The following SERPINA9 variants were observed in gnomAD, a reference collection of about 807,000 sequenced individuals.
The protein encoded by SERPINA9 is serpin family A member 9.
A neutral mutation model predicts 24.5 loss-of-function variants in SERPINA9; 32 were observed. That is an observed-to-expected ratio of 1.30 (90% CI 0.98 to 1.75). The LOEUF (loss-of-function observed/expected upper bound fraction) is 1.75, where lower values mean the gene tolerates loss of function less well. Among genes scored for constraint, SERPINA9 ranks in the 40% most tolerant of loss-of-function variants. SERPINA9 has a pLI of 0.00. For synonymous variants in SERPINA9, 233 were observed against 197.7 expected (o/e 1.18, Z -1.50); for missense variants, 594 against 497.1 (o/e 1.19, Z -1.85).
In SERPINA9 at chr14:94,467,148, G is replaced by T; in HGVS notation, c.863C>A (p.Ala288Asp). 1 of 1,614,126 alleles carries T rather than the reference G, an allele frequency of 6.2e-7. No individual in the cohort carries two copies. The highest frequency in any genetic ancestry group is 8.5e-7 in the Non-Finnish European group (1 of 1,180,018). ...GTGGCTCCACTTTCTCAGTGTTCTG[G>T]CTGACAAGGCCTGTTCCAGTTGCCT... ...KMRQLEQALS[A>D]RTLRKWSHSL... Residue 288 changes from alanine (A) to aspartate (D), a missense_variant, in exon 3 of 5, where the codon GCC becomes GAC. Transcript: ENST00000674397.
Position 94,464,792 on chromosome 14 carries a change from AG to A in SERPINA9, c.964del (p.Leu322SerfsTer54). 6.2e-7 allele frequency: 1 copy of A among 1,613,452 alleles called. No homozygotes were observed. ...GACATTTTGGATGCCCATCTTCGGG[AG>A]GATGGTTTCCAGATTGTAGGAGGCA... ...ISASYNLETI[L>X]PKMGIQNVFD... is the part of the protein sequence containing the mutation. On this transcript the variant is annotated frameshift_variant, in exon 4 of 5. Transcript: ENST00000674397. LOFTEE classifies it high-confidence loss of function.
At chr14:94,474,095 A>T (rs1899457875) in intron 1 of SERPINA9, among the ~76,000 whole-genome samples, 1 of 152,218 alleles carries the variant, frequency 6.6e-6, no homozygotes, top group Non-Finnish European at 1.5e-5. Flanking sequence ...AGAGGAGACC[A>T]GGTTGAAGGA....
Position 94,467,277 on chromosome 14 carries a change from T to G in SERPINA9, c.734A>C (p.Gln245Pro), listed in dbSNP as rs774392469. 6.2e-7 allele frequency: 1 copy of G among 1,614,050 alleles called. No homozygotes were observed. The highest frequency in any genetic ancestry group is 8.5e-7 in the Non-Finnish European group (1 of 1,179,990). Residue 245 changes from glutamine (Q) to proline (P), a missense_variant, in exon 3 of 5, where the codon CAG (glutamine) becomes CCG (proline). Coordinates refer to ENST00000674397, the MANE Select transcript of SERPINA9 (RefSeq NM_175739.4). Reference protein sequence around the residue: ...VHVPMMHQKEQFAFGVDTELN... With the variant: ...VHVPMMHQKEPFAFGVDTELN... Reference sequence around the variant, plus strand: ...CTCTGTATCCACCCCAAAAGCGAACTGCTCTTTCTGGTGCATCATGGGGAC... The same window carrying G: ...CTCTGTATCCACCCCAAAAGCGAACGGCTCTTTCTGGTGCATCATGGGGAC...
At chr14:94,464,919 G>T in intron 3 of SERPINA9, 65 bp from the exon 4 acceptor site, 1 of 1,416,928 alleles carries the variant, frequency 7.1e-7, no homozygotes, top group Non-Finnish European at 9.6e-7. Flanking sequence ...TCTGCTCCTA[G>T]ATGCCATTTT....
At chr14:94,472,586 C>G (rs1899373584) in intron 1 of SERPINA9, among the ~76,000 whole-genome samples, 1 of 151,740 alleles carries the variant, frequency 6.6e-6, no homozygotes, top group African/African-American at 2.4e-5. Flanking sequence ...TATGCAGGTA[C>G]TATAGGAGGT....
rs1457730804 is a variant in SERPINA9 at position 94,469,251 on chromosome 14, A to G, written c.590T>C (p.Leu197Pro). Reference sequence around the variant, plus strand: ...GTGGTTCACCAGAACCATGGCCGTCAGAAGGTCAAGGCCTTGGATTATGTC... The same window carrying G: ...GTGGTTCACCAGAACCATGGCCGTCGGAAGGTCAAGGCCTTGGATTATGTC... ...VVDIIQGLDLLTAMVLVNHIF... is the reference protein window; with the variant it reads ...VVDIIQGLDLPTAMVLVNHIF... Residue 197 changes from leucine (L) to proline (P), a missense_variant, in exon 2 of 5, where the codon CTG (leucine) becomes CCG (proline). Coordinates refer to ENST00000674397, the MANE Select transcript of SERPINA9 (RefSeq NM_175739.4). The G allele has an allele frequency of 6.2e-7, 1 of 1,614,030 alleles. No individual in the cohort carries two copies. Among genetic ancestry groups the G allele is most frequent in the East Asian group, 2.2e-5 (1 of 44,886 alleles).
At position 94,469,525 on chromosome 14, in the gene SERPINA9, G is replaced by T; in HGVS notation, c.316C>A (p.Pro106Thr). The T allele has an allele frequency of 1.2e-6, 2 of 1,613,982 alleles. No homozygotes were observed. Among genetic ancestry groups the T allele is most frequent in the Non-Finnish European group, 1.7e-6 (2 of 1,179,914 alleles). The change falls in exon 2 of 5, where the codon CCA becomes ACA. Residue 106 changes from proline to threonine, a missense_variant. Transcript: ENST00000674397. The part of the protein sequence containing the change: ...QGLGFNLTHT[P>T]ESAIHQGFQH... ...AAGCCCTGGTGGATGGCAGACTCTG[G>T]TGTGTGTGTGAGGTTGAAGCCCAGG...
At chr14:94,473,982 G>A (rs369630902) in intron 1 of SERPINA9, among the ~76,000 whole-genome samples, 1 of 152,388 alleles carries the variant, frequency 6.6e-6, no homozygotes, top group East Asian at 1.9e-4. Context: ...TGGTGGGCAG[G>A]AGACCAAAGC....
rs200371954 is a variant in SERPINA9 at position 94,469,649 on chromosome 14, C to T, written c.192G>A (p.Pro64=). The T allele has an allele frequency of 1.3e-4, 214 of 1,613,960 alleles. No individual in the cohort carries two copies. The African/African-American group carries it at 2.1e-3, about 16-fold the overall frequency. Residue 64 remains proline (P), a synonymous_variant, in exon 2 of 5, where the codon CCG becomes CCA. Transcript: ENST00000674397. ...CAGGGGAGAAGAAGATGTTCTGACT[C>T]GGGGTCTCCAAAACCAGCCTGCGGT... ...RLYRRLVLET[P]SQNIFFSPVS...
At chr14:94,465,119 G>C (rs923993319) in intron 3 of SERPINA9, among the ~76,000 whole-genome samples, 2 of 152,180 alleles carry the variant, frequency 1.3e-5, no homozygotes, top group Non-Finnish European at 1.5e-5. Context: ...CAGCAAGGGA[G>C]TCTATGGCAG....
At position 94,462,984 on chromosome 14, in the gene SERPINA9, G is replaced by A. The variant is rs1366577411; in HGVS notation, c.*109C>T. On this transcript the variant is annotated 3_prime_UTR_variant, in exon 5 of 5. Coordinates refer to ENST00000674397, the MANE Select transcript of SERPINA9 (RefSeq NM_175739.4). ...CCTTGGAAGTGGCATCCCTGCCAGCGAATCCAGCTCCACTGGGGTCAAATG... is the reference window on the plus strand; with the variant it reads ...CCTTGGAAGTGGCATCCCTGCCAGCAAATCCAGCTCCACTGGGGTCAAATG... 24 of 950,012 alleles carry A rather than the reference G, an allele frequency of 2.5e-5. No individual in the cohort carries two copies. The highest frequency in any genetic ancestry group is 3.8e-5 in the Non-Finnish European group (23 of 602,308). The allele number at this position is 950,012 out of a possible 1,614,324, so 58.8% of individuals were successfully genotyped here. A position where few individuals can be genotyped will look rare whatever the true frequency, so the allele number is the denominator to read the frequency against.
chr14:94,464,705 A>G lies in SERPINA9; in HGVS notation c.1050+2T>C, dbSNP rs202070363. The G allele has an allele frequency of 2.3e-3, 3,727 of 1,609,042 alleles. 9 individuals are homozygous for G. Among genetic ancestry groups the G allele is most frequent in the Non-Finnish European group, 2.8e-3 (3,282 of 1,177,946 alleles). ...TTTTGCAAATATTTTCATTCAACTCACTTTAGAAACCTGCAGGGAGTCTCT... is the reference window on the plus strand; with the variant it reads ...TTTTGCAAATATTTTCATTCAACTCGCTTTAGAAACCTGCAGGGAGTCTCT... On this transcript the variant is annotated splice_donor_variant, in intron 4 of 4. Coordinates refer to ENST00000674397, the MANE Select transcript of SERPINA9 (RefSeq NM_175739.4). LOFTEE classifies it high-confidence loss of function.
At chr14:94,465,618 C>T (rs150790554) in intron 3 of SERPINA9, among the ~76,000 whole-genome samples, 28 of 152,264 alleles carry the variant, frequency 1.8e-4, no homozygotes, top group African/African-American at 5.3e-4. Context: ...ACCTCCACCC[C>T]GTGGGTTCAA....
chr14:94,464,368 A>G (rs929339096), intron 4 of SERPINA9: 3 of 373,408 alleles, frequency 8.0e-6, no homozygotes, highest in Admixed American at 8.8e-5. Flanking sequence ...CAGATGACCT[A>G]TGGGCAGCCA....
rs143253931 is a variant in SERPINA9 at position 94,467,376 on chromosome 14, C to G, written c.635G>C (p.Trp212Ser). 54 of 1,604,086 alleles carry G rather than the reference C, an allele frequency of 3.4e-5. 1 individual carries two copies. The Middle Eastern group carries it at 9.9e-4, about 29-fold the overall frequency. Residue 212 changes from tryptophan to serine, a missense_variant, in exon 3 of 5, where the codon TGG (tryptophan) becomes TCG (serine). By Grantham distance (177) the Trp-to-Ser change is radical. Transcript: ENST00000674397. ...LVNHIFFKAK[W>S]EKPFHPEYTR... Reference sequence around the variant, plus strand: ...ATATTCAGGGTGAAAGGGCTTCTCCCACTTGGCTAGCACAAAGAGAGAAAA... The same window carrying G: ...ATATTCAGGGTGAAAGGGCTTCTCCGACTTGGCTAGCACAAAGAGAGAAAA...
intron 1 of SERPINA9, among the ~76,000 whole-genome samples, chr14:94,473,699 G>A (rs189890136): frequency 1.1e-4 from 17 of 152,228 alleles, no homozygotes; most frequent in African/African-American, 3.9e-4. Context: ...CCTGTGACAA[G>A]CTGGGGTCTA....
rs757455716 is a variant in SERPINA9 at position 94,469,313 on chromosome 14, G to A, written c.528C>T (p.Asn176=). The A allele has an allele frequency of 6.2e-7, 1 of 1,614,228 alleles. No individual in the cohort carries two copies. The highest frequency in any genetic ancestry group is 8.5e-7 in the Non-Finnish European group (1 of 1,180,030). ...SNPSIAQARI[N]SHVKKKTQGK... ...CTTGGGTCTTCTTTTTCACATGGCT[G>A]TTGATCCTCGCCTGGGCAATGGAGG... The change falls in exon 2 of 5, where the codon AAC becomes AAT. Residue 176 remains asparagine, a synonymous_variant. Coordinates refer to ENST00000674397, the MANE Select transcript of SERPINA9 (RefSeq NM_175739.4).
At position 94,463,161 on chromosome 14, in the gene SERPINA9, T is replaced by C; in HGVS notation, c.1186A>G (p.Met396Val). The C allele has an allele frequency of 6.2e-7, 1 of 1,614,218 alleles. No homozygotes were observed. Among genetic ancestry groups the C allele is most frequent in the African/African-American group, 1.3e-5 (1 of 75,062 alleles). The stretch of plus-strand genomic sequence containing the variant: ...CCGTCTGTGGCTTTATTTGTAATCA[T>C]CATCAGGAAGGTCCTATTGAAGGAG... Reference protein sequence around the residue: ...TVSFNRTFLMMITNKATDGIL... With the variant: ...TVSFNRTFLMVITNKATDGIL... The change falls in exon 5 of 5, where the codon ATG becomes GTG. Residue 396 changes from methionine to valine, a missense_variant. Coordinates refer to ENST00000674397, the MANE Select transcript of SERPINA9 (RefSeq NM_175739.4).
intron 4 of SERPINA9, among the ~76,000 whole-genome samples, chr14:94,463,943 G>A (rs1898864797): frequency 6.6e-6 from 1 of 152,124 alleles, no homozygotes; most frequent in African/African-American, 2.4e-5. Flanking sequence ...CAATGACAAA[G>A]GTCCCCTTCA....
Sources: allele counts gnomAD v4.1 joint callset (sites outside exome capture counted in the v4.1 genomes callset), GRCh38; gene constraint gnomAD v4.1.1; transcripts MANE v1.5; gene names NCBI Gene and HGNC (gene_info 2026-07-23, HGNC 2026-07-21).